The following RABGEF1 variants were observed in gnomAD, a reference collection of about 807,000 sequenced individuals.
RABGEF1 encodes RAB guanine nucleotide exchange factor 1.
In RABGEF1, 26 loss-of-function variants were observed where a neutral mutation model predicts 57.3. The ratio of observed to expected loss-of-function variants is 0.45; its 90% CI spans 0.33 to 0.63. The LOEUF (loss-of-function observed/expected upper bound fraction) is 0.63, where lower values mean the gene tolerates loss of function less well. Among genes scored for constraint, RABGEF1 ranks in the 20% least tolerant of loss-of-function variants. The pLI is 0.02. For missense variants in RABGEF1, 464 were observed against 607.6 expected (o/e 0.76, Z 2.48); for synonymous variants, 185 against 210.7 (o/e 0.88, Z 1.06).
chr7:66,771,562 T>A (rs948682204), intron 1 of RABGEF1, among the ~76,000 whole-genome samples: 2 of 152,208 alleles, frequency 1.3e-5, no homozygotes, highest in Non-Finnish European at 2.9e-5. Context: ...TCCCCTAAGT[T>A]TTTTTTCTAG....
chr7:66,743,775 A>G (rs1337225208), intron 1 of RABGEF1, among the ~76,000 whole-genome samples: 1 of 152,162 alleles, frequency 6.6e-6, no homozygotes, highest in African/African-American at 2.4e-5. Context: ...TGCTGGGATT[A>G]CAGGTGTGAG....
intron 1 of RABGEF1, among the ~76,000 whole-genome samples, chr7:66,694,979 A>G (rs1792101364): frequency 6.6e-6 from 1 of 152,088 alleles, no homozygotes; most frequent in Non-Finnish European, 1.5e-5. Context: ...CAGGGAGAGT[A>G]TGGTGTCAAG....
chr7:66,699,726 A>T (rs1366711657), intron 1 of RABGEF1, among the ~76,000 whole-genome samples: 1 of 151,488 alleles, frequency 6.6e-6, no homozygotes, highest in African/African-American at 2.4e-5. Context: ...GGTAGTGTGC[A>T]CTTGTAGTCC....
intron 1 of RABGEF1, among the ~76,000 whole-genome samples, chr7:66,705,457 G>C (rs1481049587): frequency 9.7e-5 from 13 of 133,946 alleles, no homozygotes; most frequent in South Asian, 5.9e-4. Context: ...GAGAGAGAGA[G>C]AGAGAGAGAG....
chr7:66,738,847 TTC>T (rs1324302345), upstream of RABGEF1, among the ~76,000 whole-genome samples: 1 of 152,228 alleles, frequency 6.6e-6, no homozygotes, highest in Non-Finnish European at 1.5e-5. Flanking sequence ...GTAAATGTTA[TTC>T]TGTCTTTTGG....
chr7:66,706,381 TA>T (rs1273235222), intron 1 of RABGEF1, among the ~76,000 whole-genome samples: 4 of 152,132 alleles, frequency 2.6e-5, no homozygotes, highest in Non-Finnish European at 5.9e-5. Flanking sequence ...TTTTAGTTTT[TA>T]AAAACCCGCC....
chr7:66,662,780 T>C, the RABGEF1 span, among the ~76,000 whole-genome samples: 6 of 151,744 alleles, frequency 4.0e-5, no homozygotes, highest in South Asian at 1.2e-3. Context: ...CAGCCGTGTG[T>C]GCACGCATGT....
At chr7:66,747,008 G>A (rs1800411472) in intron 1 of RABGEF1, among the ~76,000 whole-genome samples, 1 of 151,892 alleles carries the variant, frequency 6.6e-6, no homozygotes, top group South Asian at 2.1e-4. Context: ...TGGCCAGGCT[G>A]GTCTCGAATT....
chr7:66,803,528 C>G lies in RABGEF1; in HGVS notation c.821-1612C>G, dbSNP rs557014380. The stretch of plus-strand genomic sequence containing the variant: ...GTGCTTCAGCACCCTTCGCTGTCCC[C>G]CAGGCTTGTTGGAAAAGGGTGGGCA... On this transcript the variant is annotated intron_variant, in intron 7 of 8. Coordinates refer to ENST00000284957, the MANE Select transcript of RABGEF1 (RefSeq NM_014504.3). Among the ~76,000 whole-genome samples, 12 of 152,326 alleles carry G rather than the reference C, an allele frequency of 7.9e-5. No homozygotes were observed. The South Asian group carries it at 2.5e-3, about 32-fold the overall frequency.
At chr7:66,659,451 CAAA>C in the RABGEF1 span, among the ~76,000 whole-genome samples, 2 of 114,944 alleles carry the variant, frequency 1.7e-5, no homozygotes, top group Non-Finnish European at 1.8e-5. Flanking sequence ...GACTCCATCT[CAAA>C]AAAAAAAAAA....
At chr7:66,680,685 G>A (rs375331912), upstream of RABGEF1, among the ~76,000 whole-genome samples, 2 of 152,162 alleles carry the variant, frequency 1.3e-5, no homozygotes, top group East Asian at 1.9e-4. Context: ...GGTGGCTCAC[G>A]CCTGTAATCC....
At chr7:66,762,096 G>A (rs1461440048) in intron 1 of RABGEF1, among the ~76,000 whole-genome samples, 1 of 151,714 alleles carries the variant, frequency 6.6e-6, no homozygotes, top group Non-Finnish European at 1.5e-5. Flanking sequence ...AAAATCCTAG[G>A]ATGAGGGCTA....
intron 7 of RABGEF1, among the ~76,000 whole-genome samples, chr7:66,804,757 G>T (rs79110215): frequency 3.6e-5 from 5 of 138,392 alleles, no homozygotes. Flanking sequence ...AAAAAAAAAA[G>T]TGTGGGCTTT....
intron 6 of RABGEF1, among the ~76,000 whole-genome samples, chr7:66,798,645 A>C (rs898510816): frequency 1.3e-5 from 2 of 152,146 alleles, no homozygotes; most frequent in African/African-American, 4.8e-5. Flanking sequence ...GTGGCCTCCT[A>C]TACAAGCTCC....
At position 66,784,957 on chromosome 7, in the gene RABGEF1, G is replaced by A. The variant is rs574364286; in HGVS notation, c.513+1116G>A. On this transcript the variant is annotated intron_variant, in intron 4 of 8. Transcript: ENST00000284957. The stretch of plus-strand genomic sequence containing the variant: ...CATTTTTATCAGAACTAAAAACTGA[G>A]GTTTTGTATTTATTTTTTTCTTGAG... Among the ~76,000 whole-genome samples, 5 of 152,136 alleles carry A rather than the reference G, an allele frequency of 3.3e-5. No homozygotes were observed. In the South Asian group the frequency reaches 6.2e-4, roughly 19 times the overall value.
At chr7:66,696,564 C>T (rs759591729) in intron 1 of RABGEF1, among the ~76,000 whole-genome samples, 1 of 151,852 alleles carries the variant, frequency 6.6e-6, no homozygotes, top group Non-Finnish European at 1.5e-5. Context: ...ATGGCGGGTA[C>T]CTGAATTCCC....
At chr7:66,750,706 G>T (rs1285392194) in intron 1 of RABGEF1, among the ~76,000 whole-genome samples, 2 of 152,196 alleles carry the variant, frequency 1.3e-5, no homozygotes, top group African/African-American at 2.4e-5. Context: ...CTTAGATTCT[G>T]ACAGAAAAAC....
At chr7:66,748,870 G>A in intron 1 of RABGEF1, 1 of 237,882 alleles carries the variant, frequency 4.2e-6, no homozygotes, top group Non-Finnish European at 9.1e-6. Context: ...CACTGTTTCA[G>A]CACCTTATTG....
intron 1 of RABGEF1, among the ~76,000 whole-genome samples, chr7:66,711,597 T>C (rs1408104695): frequency 6.6e-6 from 1 of 152,086 alleles, no homozygotes; most frequent in Non-Finnish European, 1.5e-5. Context: ...TCTTTTCTTT[T>C]TTTTTTTGAG....
Sources: allele counts gnomAD v4.1 joint callset (sites outside exome capture counted in the v4.1 genomes callset), GRCh38; gene constraint gnomAD v4.1.1; transcripts MANE v1.5; gene names NCBI Gene and HGNC (gene_info 2026-07-23, HGNC 2026-07-21).